The following PHF20L1 variants were observed in gnomAD, a reference collection of about 807,000 sequenced individuals.
The protein encoded by PHF20L1 is PHD finger protein 20 like 1.
Under a neutral mutation model 125.5 loss-of-function variants are expected in PHF20L1, and 44 were observed. That is an observed-to-expected ratio of 0.35 (90% CI 0.28 to 0.45). PHF20L1 has a LOEUF of 0.45. PHF20L1 is among the 20% of genes least tolerant of loss of function. The pLI is 1.00. For synonymous variants in PHF20L1, 380 were observed against 403.1 expected, an observed-to-expected ratio of 0.94 and a Z score of 0.69; for missense variants, 1,012 against 1,217.2, an observed-to-expected ratio of 0.83 and a Z score of 2.51.
chr8:132,790,090 A>G (rs1247904329), intron 2 of PHF20L1, among the ~76,000 whole-genome samples: 2 of 152,174 alleles, frequency 1.3e-5, no homozygotes, highest in East Asian at 3.9e-4. Flanking sequence ...GCTTCCTATG[A>G]TTCAACCTTT....
chr8:132,825,918 TG>T (rs1836125550), intron 14 of PHF20L1, among the ~76,000 whole-genome samples: 1 of 152,076 alleles, frequency 6.6e-6, no homozygotes, highest in Non-Finnish European at 1.5e-5. Context: ...GCCCTGATTT[TG>T]GACTTCCAGC....
chr8:132,819,249 A>G (rs756189413), intron 12 of PHF20L1, among the ~76,000 whole-genome samples: 40 of 151,924 alleles, frequency 2.6e-4, no homozygotes, highest in Admixed American at 1.1e-3. Flanking sequence ...GAGTTTAGCT[A>G]TAATTTGAAT....
intron 6 of PHF20L1, among the ~76,000 whole-genome samples, chr8:132,802,822 C>A (rs76170983): frequency 0.018 from 2,721 of 151,588 alleles, 81 homozygotes; most frequent in African/African-American, 0.062. Flanking sequence ...TAATGTAAAC[C>A]GTGAATTAAA....
intron 12 of PHF20L1, among the ~76,000 whole-genome samples, chr8:132,822,365 T>C (rs534880657): frequency 6.6e-6 from 1 of 152,074 alleles, no homozygotes; most frequent in African/African-American, 2.4e-5. Flanking sequence ...TCCTTTAATC[T>C]GACTCCCTGT....
intron 2 of PHF20L1, among the ~76,000 whole-genome samples, chr8:132,780,014 T>TG (rs1830248823): frequency 6.6e-6 from 1 of 152,188 alleles, no homozygotes. Flanking sequence ...CACTGAAACT[T>TG]GTTATCAGTT....
intron 9 of PHF20L1, chr8:132,812,337 T>G (rs1380751305): frequency 2.0e-6 from 2 of 984,692 alleles, no homozygotes; most frequent in Non-Finnish European, 2.4e-6. Context: ...AATCTTTGAT[T>G]ATGCACAATC....
At position 132,847,992 on chromosome 8, in the gene PHF20L1, C is replaced by G. The variant is rs1838535555; in HGVS notation, c.*2069C>G. Reference sequence around the variant, plus strand: ...ATTCTAGACATTGAATTTATATCTTCTTTTTTTCAGATACGGAGCAAATAG... The same window carrying G: ...ATTCTAGACATTGAATTTATATCTTGTTTTTTTCAGATACGGAGCAAATAG... On this transcript the variant is annotated 3_prime_UTR_variant, in exon 21 of 21. Transcript: ENST00000395386. 1 of 151,980 alleles carries G rather than the reference C, an allele frequency of 6.6e-6. No homozygotes were observed. Among genetic ancestry groups the G allele is most frequent in the Non-Finnish European group, 1.5e-5 (1 of 67,950 alleles). 9.4% of individuals were successfully genotyped at this position (151,980 alleles called of 1,614,324 possible). A position where few individuals can be genotyped will look rare whatever the true frequency, so the allele number is the denominator to read the frequency against.
chr8:132,848,754 A>G lies in PHF20L1; in HGVS notation c.*2831A>G, dbSNP rs1188803392. ...TTCCTCTCAGATGTTCATATTTCAC[A>G]TGTTCAAAATGAAGCGTACTATTTC... On this transcript the variant is annotated 3_prime_UTR_variant, in exon 21 of 21. Transcript: ENST00000395386. 6.7e-6 allele frequency: 1 copy of G among 150,054 alleles called. No individual in the cohort carries two copies. 9.3% of individuals were successfully genotyped at this position (150,054 alleles called of 1,614,324 possible).
chr8:132,776,272 C>T (rs1302960899), intron 1 of PHF20L1, among the ~76,000 whole-genome samples: 46 of 152,088 alleles, frequency 3.0e-4, no homozygotes, highest in Admixed American at 2.9e-3. Flanking sequence ...GGGGATTATA[C>T]TCATTCAATC....
rs1834325577 is a variant in PHF20L1, at chr8:132,810,957, A to G, written c.848-89A>G. 4.9e-6 allele frequency: 4 copies of G among 808,728 alleles called. No individual in the cohort carries two copies. In the East Asian group the frequency reaches 9.8e-5, roughly 20 times the overall value. The allele number at this position is 808,728 out of a possible 1,614,324, so 50.1% of individuals were successfully genotyped here. ...TTCCTACGTATTAAAAAGTATAGGA[A>G]ATTTCAACTGCTAAGATTTTTGCAA... On this transcript the variant is annotated intron_variant, in intron 8 of 20. Transcript: ENST00000395386.
intron 9 of PHF20L1, among the ~76,000 whole-genome samples, chr8:132,814,384 G>A (rs1005417409): frequency 3.3e-5 from 5 of 151,710 alleles, no homozygotes; most frequent in Non-Finnish European, 4.4e-5. Context: ...TTTATGTTCC[G>A]AAAATATTAT....
chr8:132,802,144 C>A (rs1563803837), intron 6 of PHF20L1, among the ~76,000 whole-genome samples: 1 of 143,746 alleles, frequency 7.0e-6, no homozygotes, highest in Non-Finnish European at 1.5e-5. Context: ...TCTCTCAATC[C>A]TTTTTTTTTT....
chr8:132,840,245 G>A (rs972309020), intron 18 of PHF20L1, among the ~76,000 whole-genome samples: 15 of 151,960 alleles, frequency 9.9e-5, no homozygotes, highest in African/African-American at 3.6e-4. Context: ...CACTTGCCTC[G>A]GCCAGACACT....
intron 1 of PHF20L1, among the ~76,000 whole-genome samples, chr8:132,776,190 C>G (rs1260054743): frequency 6.6e-6 from 1 of 152,186 alleles, no homozygotes; most frequent in Non-Finnish European, 1.5e-5. Flanking sequence ...CCCTCTTCAT[C>G]CTTCCCTCTT....
At chr8:132,830,437 AT>A (rs1389440973) in intron 14 of PHF20L1, among the ~76,000 whole-genome samples, 2 of 152,170 alleles carry the variant, frequency 1.3e-5, no homozygotes, top group African/African-American at 4.8e-5. Context: ...TTGGCAGACT[AT>A]TCTGTCTCCC....
At chr8:132,833,487 A>C (rs1262949559) in intron 15 of PHF20L1, among the ~76,000 whole-genome samples, 1 of 152,026 alleles carries the variant, frequency 6.6e-6, no homozygotes, top group Admixed American at 6.6e-5. Flanking sequence ...TGAACCTTAC[A>C]ATCATTGCTG....
At chr8:132,789,860 A>G (rs1023919198) in intron 2 of PHF20L1, among the ~76,000 whole-genome samples, 3 of 152,152 alleles carry the variant, frequency 2.0e-5, no homozygotes, top group Non-Finnish European at 2.9e-5. Flanking sequence ...GAGAAATCCT[A>G]CTTTTAGTGA....
intron 15 of PHF20L1, among the ~76,000 whole-genome samples, chr8:132,834,531 G>T (rs1325621780): frequency 6.6e-6 from 1 of 151,942 alleles, no homozygotes; most frequent in African/African-American, 2.4e-5. Context: ...ATGAGGGCTT[G>T]CTTTGTTGTA....
intron 6 of PHF20L1, among the ~76,000 whole-genome samples, chr8:132,801,361 A>G (rs898979331): frequency 1.1e-4 from 16 of 151,724 alleles, no homozygotes; most frequent in African/African-American, 3.6e-4. Context: ...TCTGTTTCAC[A>G]TTTGAAGAAT....
Sources: allele counts gnomAD v4.1 joint callset (sites outside exome capture counted in the v4.1 genomes callset), GRCh38; gene constraint gnomAD v4.1.1; transcripts MANE v1.5; gene names NCBI Gene and HGNC (gene_info 2026-07-23, HGNC 2026-07-21).